The following ROBO2 variants were observed in gnomAD, a reference collection of about 807,000 sequenced individuals.
ROBO2 encodes the protein roundabout homolog 2.
In ROBO2, 53 loss-of-function variants were observed where a neutral mutation model predicts 160.8. The observed-to-expected ratio is 0.33, with a 90% CI of 0.26 to 0.41. The LOEUF (loss-of-function observed/expected upper bound fraction) is 0.41. Ranked by LOEUF, ROBO2 falls within the 10% of genes least tolerant of loss-of-function variation. ROBO2 has a pLI of 1.00. For missense variants in ROBO2, 1,577 were observed against 1,722.4 expected (o/e 0.92, Z 1.49); for synonymous variants, 664 against 611.7 (o/e 1.09, Z -1.26).
intron 2 of ROBO2, among the ~76,000 whole-genome samples, chr3:77,413,014 C>T (rs1272916607): frequency 6.6e-6 from 1 of 152,128 alleles, no homozygotes; most frequent in African/African-American, 2.4e-5. Flanking sequence ...TCCAGCCAGC[C>T]TGGGCAATAT....
chr3:77,276,430 T>C (rs1015003065), intron 2 of ROBO2, among the ~76,000 whole-genome samples: 1 of 152,184 alleles, frequency 6.6e-6, no homozygotes, highest in African/African-American at 2.4e-5. Flanking sequence ...CTCACTCCCC[T>C]GAATCTATTT....
chr3:76,491,378 ATCAC>A (rs2079817090), intron 2 of ROBO2, among the ~76,000 whole-genome samples: 1 of 152,140 alleles, frequency 6.6e-6, no homozygotes, highest in South Asian at 2.1e-4. Context: ...TGCACATACT[ATCAC>A]TCATTCTACT....
At chr3:77,027,093 T>C (rs2063014567) in intron 2 of ROBO2, among the ~76,000 whole-genome samples, 1 of 152,202 alleles carries the variant, frequency 6.6e-6, no homozygotes. Context: ...AGCTTGAGCA[T>C]CAATTCTAAT....
rs59745987 is a variant in ROBO2 at position 76,044,538 on chromosome 3, GATTCATTC to G, written c.109+106970_109+106977del. Among the ~76,000 whole-genome samples the G allele has an allele frequency of 4.6e-3, 690 of 149,498 alleles. 6 individuals are homozygous for G. Among genetic ancestry groups the G allele is most frequent in the East Asian group, 9.1e-3 (46 of 5,068 alleles). On this transcript the variant is annotated intron_variant, in intron 2 of 26. Coordinates refer to the ROBO2 transcript ENST00000487694. ...GGGAGAAATAAGTCACAGTCACAGA[GATTCATTC>G]ATTCATTCATTCATTCATTCATTCA...
rs956000126 is a variant in ROBO2 at position 76,526,858 on chromosome 3, C to A, written c.110-571156C>A. 5.9e-5 allele frequency among the ~76,000 whole-genome samples: 9 copies of A among 152,062 alleles called. No homozygotes were observed. The East Asian group carries it at 1.5e-3, about 26-fold the overall frequency. On this transcript the variant is annotated intron_variant, in intron 2 of 26. Coordinates refer to the ROBO2 transcript ENST00000487694. ...ATGGGAAGTTAACAGAATATGTCAC[C>A]TTTTGATTAGTTTCTGAGGAGACAG...
intron 2 of ROBO2, among the ~76,000 whole-genome samples, chr3:76,049,256 G>A (rs936903613): frequency 6.6e-6 from 1 of 151,502 alleles, no homozygotes; most frequent in Non-Finnish European, 1.5e-5. Flanking sequence ...TGCCCAGGCT[G>A]GAGTGCAGTG....
intron 15 of ROBO2, among the ~76,000 whole-genome samples, chr3:77,579,261 C>A (rs1004454363): frequency 3.9e-5 from 6 of 152,120 alleles, no homozygotes; most frequent in African/African-American, 1.4e-4. Flanking sequence ...AAAAGCCTGA[C>A]TTCCTTAACA....
chr3:77,011,107 T>TTTTTCTTTCTATCTTTC, intron 2 of ROBO2, among the ~76,000 whole-genome samples: 1 of 108,158 alleles, frequency 9.2e-6, no homozygotes, highest in Non-Finnish European at 2.0e-5. Flanking sequence ...ATCTTTCTTC[T>TTTTTCTTTCTATCTTTC]TTCTTTCCTT....
At chr3:76,218,880 G>C (rs1703753318) in intron 2 of ROBO2, among the ~76,000 whole-genome samples, 2 of 152,140 alleles carry the variant, frequency 1.3e-5, no homozygotes, top group Admixed American at 1.3e-4. Flanking sequence ...AAAGAACAAA[G>C]CTGGAGGCAT....
chr3:76,637,247 A>G (rs920958380), intron 2 of ROBO2, among the ~76,000 whole-genome samples: 1 of 152,116 alleles, frequency 6.6e-6, no homozygotes, highest in South Asian at 2.1e-4. Context: ...AGTCTTTAGC[A>G]AGAGACAAAC....
At chr3:76,343,987 A>G (rs528425625) in intron 2 of ROBO2, among the ~76,000 whole-genome samples, 5 of 152,068 alleles carry the variant, frequency 3.3e-5, no homozygotes, top group African/African-American at 7.2e-5. Context: ...CCTTGAATCT[A>G]TCTTTAAAGT....
In ROBO2 at chr3:76,622,235, GAAGAAAGAAAGAAAGAAAGAAAGAAAGA is replaced by G. The variant is rs66811756; in HGVS notation, c.110-475728_110-475701del. 1.1e-3 allele frequency among the ~76,000 whole-genome samples: 48 copies of G among 44,800 alleles called. 2 individuals carry two copies. The Middle Eastern group carries it at 0.03, about 28-fold the overall frequency. The allele number at this position is 44,800 out of a possible 152,430, so 29.4% of individuals were successfully genotyped here. ...GGAAGGAAGGAAGGAAGGAAGGAAG[GAAGAAAGAAAGAAAGAAAGAAAGAAAGA>G]AAGAAAGAAAGAAAGAAAGAAAGAA... On this transcript the variant is annotated intron_variant, in intron 2 of 26. Transcript: ENST00000487694.
intron 2 of ROBO2, among the ~76,000 whole-genome samples, chr3:76,984,092 A>C (rs1469732132): frequency 1.3e-5 from 2 of 152,050 alleles, no homozygotes; most frequent in Non-Finnish European, 2.9e-5. Context: ...CATCACAAGA[A>C]CAGCATGGGG....
At chr3:76,958,069 C>G (rs1317719976) in intron 2 of ROBO2, among the ~76,000 whole-genome samples, 4 of 152,170 alleles carry the variant, frequency 2.6e-5, no homozygotes, top group Non-Finnish European at 4.4e-5. Flanking sequence ...AAATATGGCT[C>G]TTTCAAACAT....
chr3:77,348,691 C>G (rs886367850), intron 2 of ROBO2, among the ~76,000 whole-genome samples: 1 of 152,078 alleles, frequency 6.6e-6, no homozygotes, highest in Non-Finnish European at 1.5e-5. Flanking sequence ...TTGCCACTGC[C>G]TAAAGTCAAG....
At chr3:77,429,406 A>G (rs1310255624) in intron 2 of ROBO2, among the ~76,000 whole-genome samples, 1 of 152,126 alleles carries the variant, frequency 6.6e-6, no homozygotes, top group Admixed American at 6.5e-5. Context: ...CAAGACAAGT[A>G]AAATGATATT....
chr3:76,142,024 A>C (rs2071688692), intron 2 of ROBO2, among the ~76,000 whole-genome samples: 1 of 152,034 alleles, frequency 6.6e-6, no homozygotes, highest in African/African-American at 2.4e-5. Context: ...TCAATAGTTT[A>C]GTGGCTGAGG....
chr3:77,074,007 T>C (rs1054078818), intron 1 of ROBO2, among the ~76,000 whole-genome samples: 1 of 152,212 alleles, frequency 6.6e-6, no homozygotes, highest in Admixed American at 6.5e-5. Context: ...TTGGTTAAAA[T>C]AGTTTAATAG....
chr3:76,497,108 T>A (rs2080191391), intron 2 of ROBO2, among the ~76,000 whole-genome samples: 1 of 152,222 alleles, frequency 6.6e-6, no homozygotes, highest in African/African-American at 2.4e-5. Context: ...TGGTTGTTTT[T>A]CAAACACTGC....
Sources: gnomAD v4.1 joint callset for allele counts (sites outside exome capture counted in the v4.1 genomes callset) on GRCh38, gnomAD v4.1.1 for gene constraint, MANE v1.5 for transcripts, NCBI Gene and HGNC (gene_info 2026-07-23, HGNC 2026-07-21) for gene names.